KRTAP4-12: variants seen among roughly 807,000 people sequenced by gnomAD.
KRTAP4-12 encodes keratin-associated protein 4-12.
A neutral mutation model predicts 0.9 loss-of-function variants in KRTAP4-12; 1 was observed. The observed-to-expected ratio is 1.11, with a 90% CI of 0.40 to 5.29. The LOEUF is 5.29. KRTAP4-12 is among the 30% of genes most tolerant of loss of function. KRTAP4-12 has a pLI of 0.16. For synonymous variants in KRTAP4-12, 85 were observed against 94.0 expected (o/e 0.90, Z 0.55); for missense variants, 240 against 265.6 (o/e 0.90, Z 0.67).
Position 41,124,060 on chromosome 17 carries a change from G to A in KRTAP4-12, c.63C>T (p.Cys21=). ...AGGTGGTCTGGCAGCAGCTGGGGCG[G>A]CAGCAGTTCTCCAGGCCACAGCCCT... ...SDQGCGLENC[C]RPSCCQTTCC... Residue 21 remains cysteine, a synonymous_variant, in exon 1 of 1, where the codon TGC becomes TGT. Transcript: ENST00000394014. 2 of 1,613,922 alleles carry A rather than the reference G, an allele frequency of 1.2e-6. No homozygotes were observed. Among genetic ancestry groups the A allele is most frequent in the African/African-American group, 1.3e-5 (1 of 74,884 alleles).
Position 41,123,944 on chromosome 17 carries a change from C to A in KRTAP4-12, c.179G>T (p.Cys60Phe), listed in dbSNP as rs1483010399. ...CCQSVCCQPT[C>F]CRPSCCQTTC... ...GGTCTGACAGCAGCTGGGGCGGCAG[C>A]AGGTGGGCTGACAGCACACAGACTG... The change falls in exon 1 of 1, where the codon TGC becomes TTC. Residue 60 changes from cysteine (C) to phenylalanine (F), a missense_variant. By Grantham distance (205) the Cys-to-Phe change is radical. This residue lies in a region of KRTAP4-12 where 110 missense variants were observed against 115.0 expected (regional missense o/e 0.96). Transcript: ENST00000394014. 6.1e-5 allele frequency: 95 copies of A among 1,561,396 alleles called. No individual in the cohort carries two copies. Among genetic ancestry groups the A allele is most frequent in the Non-Finnish European group, 8.0e-5 (94 of 1,171,848 alleles).
rs781050563 is a variant in KRTAP4-12, at chr17:41,123,551, G to T, written c.572C>A (p.Pro191His). 1.9e-6 allele frequency: 3 copies of T among 1,612,878 alleles called. No homozygotes were observed. The South Asian group carries it at 3.3e-5, about 18-fold the overall frequency. ...AGAGGAGGCACAGCACAAGGGGCGGGGGCAGGTGGAGATGACACAGGTTGG... is the reference window on the plus strand; with the variant it reads ...AGAGGAGGCACAGCACAAGGGGCGGTGGCAGGTGGAGATGACACAGGTTGG... The part of the protein sequence containing the change: ...YRPTCVISTC[P>H]RPLCCASSCC Residue 191 changes from proline (P) to histidine (H), a missense_variant, in exon 1 of 1, where the codon CCC becomes CAC. Pro to His is a moderately conservative substitution (Grantham distance 77). Transcript: ENST00000394014.
rs1382746407 is a variant in KRTAP4-12 at position 41,123,646 on chromosome 17, G to T, written c.477C>A (p.Ser159Arg). Reference sequence around the variant, plus strand: ...GCAGGCAGCAGCAGGGGCGGCAGCAGCTGGATTCACAGCAAGAGGGGCAGC... The same window carrying T: ...GCAGGCAGCAGCAGGGGCGGCAGCATCTGGATTCACAGCAAGAGGGGCAGC... Reference protein sequence around the residue: ...SSCCPSCCESSCCRPCCCLRP... With the variant: ...SSCCPSCCESRCCRPCCCLRP... The change falls in exon 1 of 1, where the codon AGC (serine) becomes AGA (arginine). Residue 159 changes from serine (S) to arginine (R), a missense_variant. By Grantham distance (110) the Ser-to-Arg change is moderately radical (BLOSUM62 -1). Transcript: ENST00000394014. 6.2e-7 allele frequency: 1 copy of T among 1,613,394 alleles called. No homozygotes were observed. The highest frequency in any genetic ancestry group is 8.5e-7 in the Non-Finnish European group (1 of 1,179,964).
In KRTAP4-12 at chr17:41,123,638, C is replaced by T. The variant is rs565504144; in HGVS notation, c.485G>A (p.Arg162His). 2.2e-5 allele frequency: 36 copies of T among 1,613,216 alleles called. No individual in the cohort carries two copies. Among genetic ancestry groups the T allele is most frequent in the Admixed American group, 8.4e-5 (5 of 59,844 alleles). Residue 162 changes from arginine (R) to histidine (H), a missense_variant, in exon 1 of 1, where the codon CGC (arginine) becomes CAC (histidine). Physicochemically the swap from Arg to His is conservative, Grantham distance 29. Around this residue, in one of 3 missense-constraint regions of KRTAP4-12, gnomAD observed 119 missense variants for 106.2 expected, o/e 1.12. Coordinates refer to ENST00000394014, the MANE Select transcript of KRTAP4-12 (RefSeq NM_031854.3). ...CPSCCESSCC[R>H]PCCCLRPVCG... ...GACTGGACGCAGGCAGCAGCAGGGGCGGCAGCAGCTGGATTCACAGCAAGA... is the reference window on the plus strand; with the variant it reads ...GACTGGACGCAGGCAGCAGCAGGGGTGGCAGCAGCTGGATTCACAGCAAGA...
Position 41,123,460 on chromosome 17 carries a change from G to C in KRTAP4-12, c.*57C>G, listed in dbSNP as rs1318155878. 1 of 1,541,482 alleles carries C rather than the reference G, an allele frequency of 6.5e-7. No homozygotes were observed. The highest frequency in any genetic ancestry group is 8.8e-7 in the Non-Finnish European group (1 of 1,142,138). On this transcript the variant is annotated 3_prime_UTR_variant, in exon 1 of 1. Transcript: ENST00000394014. ...TGAACAGTCCGCATGTTTGCAATGA[G>C]AGCCTTCATCTGTAGGAAAGGACGT...
rs150884370 is a variant in KRTAP4-12 at position 41,123,939 on chromosome 17, G to T, written c.184C>A (p.Arg62Ser). The change falls in exon 1 of 1, where the codon CGC becomes AGC. Residue 62 changes from arginine to serine, a missense_variant. Transcript: ENST00000394014. ...QSVCCQPTCC[R>S]PSCCQTTCCR... ...CAGGTGGTCTGACAGCAGCTGGGGC[G>T]GCAGCAGGTGGGCTGACAGCACACA... 6.4e-7 allele frequency: 1 copy of T among 1,560,578 alleles called. No homozygotes were observed. Among genetic ancestry groups the T allele is most frequent in the Admixed American group, 1.9e-5 (1 of 54,030 alleles).
chr17:41,123,795 A>C lies in KRTAP4-12; in HGVS notation c.328T>G (p.Cys110Gly), dbSNP rs2014452756. Residue 110 changes from cysteine to glycine, a missense_variant, in exon 1 of 1, where the codon TGC becomes GGC. Physicochemically the swap from Cys to Gly is radical, Grantham distance 159. Coordinates refer to ENST00000394014, the MANE Select transcript of KRTAP4-12 (RefSeq NM_031854.3). ...CCRPSCCQTT[C>G]CRTTCCRPSC... ...GGGCGGCAGCAAGTGGTCCTGCAGCAGGTGGTCTGACAGCAGCTGGGGCGG... is the reference window on the plus strand; with the variant it reads ...GGGCGGCAGCAAGTGGTCCTGCAGCCGGTGGTCTGACAGCAGCTGGGGCGG... The C allele has an allele frequency of 6.3e-7, 1 of 1,582,500 alleles. No homozygotes were observed. Among genetic ancestry groups the C allele is most frequent in the African/African-American group, 1.4e-5 (1 of 72,588 alleles).
Position 41,123,612 on chromosome 17 carries a change from A to G in KRTAP4-12, c.511T>C (p.Cys171Arg), listed in dbSNP as rs201561965. ...CRPCCCLRPV[C>R]GRVSCHTTCY... ...GTGGTGTGGCAGGAGACTCGGCCAC[A>G]GACTGGACGCAGGCAGCAGCAGGGG... Residue 171 changes from cysteine (C) to arginine (R), a missense_variant, in exon 1 of 1, where the codon TGT becomes CGT. Transcript: ENST00000394014. 6 of 1,613,268 alleles carry G rather than the reference A, an allele frequency of 3.7e-6. No homozygotes were observed. Among genetic ancestry groups the G allele is most frequent in the Non-Finnish European group, 5.1e-6 (6 of 1,179,716 alleles).
At position 41,124,169 on chromosome 17, in the gene KRTAP4-12, G is replaced by A. The variant is rs375466308; in HGVS notation, c.-47C>T. 9 of 1,569,860 alleles carry A rather than the reference G, an allele frequency of 5.7e-6. No homozygotes were observed. The South Asian group carries it at 7.2e-5, about 13-fold the overall frequency. ...TCGGTGGGTTTCCAGGAGAGTGAGT[G>A]TTCTGAGTTTGATCTCTCCTTGTTC... On this transcript the variant is annotated 5_prime_UTR_variant, in exon 1 of 1. Transcript: ENST00000394014.
Position 41,123,288 on chromosome 17 carries a change from TG to T in KRTAP4-12, c.*228del. ...AATAAATGTCCTGAAGTCAAAGAGG[TG>T]GGAGGATGTTGGAGGACAATTTGTC... On this transcript the variant is annotated 3_prime_UTR_variant, in exon 1 of 1. Coordinates refer to ENST00000394014, the MANE Select transcript of KRTAP4-12 (RefSeq NM_031854.3). The T allele has an allele frequency of 1.2e-6, 1 of 818,250 alleles. No homozygotes were observed. The highest frequency in any genetic ancestry group is 1.9e-6 in the Non-Finnish European group (1 of 532,726). The allele number at this position is 818,250 out of a possible 1,614,324, so 50.7% of individuals were successfully genotyped here.
chr17:41,123,614 A>G lies in KRTAP4-12; in HGVS notation c.509T>C (p.Val170Ala), dbSNP rs1252948479. The G allele has an allele frequency of 4.3e-6, 7 of 1,613,210 alleles. No homozygotes were observed. Among genetic ancestry groups the G allele is most frequent in the South Asian group, 1.1e-5 (1 of 91,030 alleles). ...GGTGTGGCAGGAGACTCGGCCACAG[A>G]CTGGACGCAGGCAGCAGCAGGGGCG... ...CCRPCCCLRPVCGRVSCHTTC... is the reference protein window; with the variant it reads ...CCRPCCCLRPACGRVSCHTTC... Residue 170 changes from valine to alanine, a missense_variant, in exon 1 of 1, where the codon GTC becomes GCC. Transcript: ENST00000394014.
At position 41,123,746 on chromosome 17, in the gene KRTAP4-12, C is replaced by A. The variant is rs950178522; in HGVS notation, c.377G>T (p.Cys126Phe). ...CRPSCCVSSCCRPQCCQSVCC... is the reference protein window; with the variant it reads ...CRPSCCVSSCFRPQCCQSVCC... Reference sequence around the variant, plus strand: ...CACAGACTGGCAGCACTGGGGTCTGCAGCAGCTGGACACACAGCAGCTGGG... The same window carrying A: ...CACAGACTGGCAGCACTGGGGTCTGAAGCAGCTGGACACACAGCAGCTGGG... The change falls in exon 1 of 1, where the codon TGC (cysteine) becomes TTC (phenylalanine). Residue 126 changes from cysteine (C) to phenylalanine (F), a missense_variant. Cys to Phe is a radical substitution (Grantham distance 205). Around this residue, in one of 3 missense-constraint regions of KRTAP4-12, gnomAD observed 119 missense variants for 106.2 expected, o/e 1.12. Coordinates refer to ENST00000394014, the MANE Select transcript of KRTAP4-12 (RefSeq NM_031854.3). The A allele has an allele frequency of 1.9e-6, 3 of 1,612,586 alleles. No individual in the cohort carries two copies. Among genetic ancestry groups the A allele is most frequent in the Non-Finnish European group, 8.5e-7 (1 of 1,179,482 alleles).
In KRTAP4-12 at chr17:41,123,595, G is replaced by A. The variant is rs758895918; in HGVS notation, c.528C>T (p.Cys176=). ...AGGTTGGGCGATAGCAAGTGGTGTG[G>A]CAGGAGACTCGGCCACAGACTGGAC... ...CLRPVCGRVS[C]HTTCYRPTCV... The change falls in exon 1 of 1, where the codon TGC becomes TGT. Residue 176 remains cysteine (C), a synonymous_variant. Transcript: ENST00000394014. 1.4e-5 allele frequency: 23 copies of A among 1,612,766 alleles called. No homozygotes were observed. Among genetic ancestry groups the A allele is most frequent in the Admixed American group, 6.7e-5 (4 of 59,752 alleles).
At position 41,123,892 on chromosome 17, in the gene KRTAP4-12, G is replaced by T. The variant is rs764905195; in HGVS notation, c.231C>A (p.Arg77=). 5.7e-6 allele frequency: 9 copies of T among 1,569,638 alleles called. No individual in the cohort carries two copies. Among genetic ancestry groups the T allele is most frequent in the Non-Finnish European group, 7.7e-6 (9 of 1,173,390 alleles). ...AGCAGCTGGACACACAGCAGCTGGGGCGGCAGCAGGTGGTCCTACAGCAGG... is the reference window on the plus strand; with the variant it reads ...AGCAGCTGGACACACAGCAGCTGGGTCGGCAGCAGGTGGTCCTACAGCAGG... ...QTTCCRTTCC[R]PSCCVSSCCR... The change falls in exon 1 of 1, where the codon CGC becomes CGA. Residue 77 remains arginine (R), a synonymous_variant. Coordinates refer to ENST00000394014, the MANE Select transcript of KRTAP4-12 (RefSeq NM_031854.3).
rs1239374288 is a variant in KRTAP4-12 at position 41,123,335 on chromosome 17, A to G, written c.*182T>C. 4.1e-6 allele frequency: 5 copies of G among 1,218,852 alleles called. No individual in the cohort carries two copies. The highest frequency in any genetic ancestry group is 2.9e-5 in the Admixed American group (1 of 34,268). 75.5% of individuals were successfully genotyped at this position (1,218,852 alleles called of 1,614,324 possible). ...TTGTCAATTTATTAGGAGATTGTCAATGAATTCCTTTGGAAGGAAGGGAGT... is the reference window on the plus strand; with the variant it reads ...TTGTCAATTTATTAGGAGATTGTCAGTGAATTCCTTTGGAAGGAAGGGAGT... On this transcript the variant is annotated 3_prime_UTR_variant, in exon 1 of 1. Coordinates refer to ENST00000394014, the MANE Select transcript of KRTAP4-12 (RefSeq NM_031854.3).
rs775864089 is a variant in KRTAP4-12, at chr17:41,123,689, C to A, written c.434G>T (p.Cys145Phe). The change falls in exon 1 of 1, where the codon TGC (cysteine) becomes TTC (phenylalanine). Residue 145 changes from cysteine (C) to phenylalanine (F), a missense_variant. This residue lies in a region of KRTAP4-12 where 119 missense variants were observed against 106.2 expected (regional missense o/e 1.12). Coordinates refer to ENST00000394014, the MANE Select transcript of KRTAP4-12 (RefSeq NM_031854.3). The part of the protein sequence containing the change: ...CCQPTCCRPS[C>F]CISSSCCPSC... Reference sequence around the variant, plus strand: ...GGGGCAGCAGCTGCTGGAGATGCAGCAGCTGGGGCGGCAGCAGGTGGGCTG... The same window carrying A: ...GGGGCAGCAGCTGCTGGAGATGCAGAAGCTGGGGCGGCAGCAGGTGGGCTG... The A allele has an allele frequency of 4.3e-6, 7 of 1,612,828 alleles. No homozygotes were observed. Among genetic ancestry groups the A allele is most frequent in the Middle Eastern group, 1.7e-4 (1 of 5,944 alleles).
chr17:41,123,234 G>A lies in KRTAP4-12; in HGVS notation c.*283C>T, dbSNP rs1210615937. The A allele has an allele frequency of 3.3e-6, 2 of 603,512 alleles. No individual in the cohort carries two copies. Among genetic ancestry groups the A allele is most frequent in the Non-Finnish European group, 5.5e-6 (2 of 360,702 alleles). The allele number at this position is 603,512 out of a possible 1,614,324, so 37.4% of individuals were successfully genotyped here. On this transcript the variant is annotated 3_prime_UTR_variant, in exon 1 of 1. Coordinates refer to ENST00000394014, the MANE Select transcript of KRTAP4-12 (RefSeq NM_031854.3). ...GATCTGTGGCCCTACAAATGATGGA[G>A]GCAATCTTCAAATTCCTTAGGCATG...
At position 41,123,499 on chromosome 17, in the gene KRTAP4-12, T is replaced by A; in HGVS notation, c.*18A>T. On this transcript the variant is annotated 3_prime_UTR_variant, in exon 1 of 1. Coordinates refer to ENST00000394014, the MANE Select transcript of KRTAP4-12 (RefSeq NM_031854.3). ...AGGAAAGGACGTAATAAGGAAGTGG[T>A]GTGTTCACAGCAGAGATTTAGCAGC... 6.2e-7 allele frequency: 1 copy of A among 1,602,786 alleles called. No homozygotes were observed. Among genetic ancestry groups the A allele is most frequent in the Non-Finnish European group, 8.5e-7 (1 of 1,174,178 alleles).
At position 41,123,491 on chromosome 17, in the gene KRTAP4-12, G is replaced by A; in HGVS notation, c.*26C>T. On this transcript the variant is annotated 3_prime_UTR_variant, in exon 1 of 1. Coordinates refer to ENST00000394014, the MANE Select transcript of KRTAP4-12 (RefSeq NM_031854.3). ...TCATCTGTAGGAAAGGACGTAATAA[G>A]GAAGTGGTGTGTTCACAGCAGAGAT... 7 of 1,594,762 alleles carry A rather than the reference G, an allele frequency of 4.4e-6. No individual in the cohort carries two copies. The highest frequency in any genetic ancestry group is 6.0e-6 in the Non-Finnish European group (7 of 1,169,678).
Sources: allele counts gnomAD v4.1 joint callset, GRCh38; gene constraint gnomAD v4.1.1; regional missense constraint gnomAD v4.1.1; transcripts MANE v1.5; gene names NCBI Gene and HGNC (gene_info 2026-07-23, HGNC 2026-07-21).